TRIM49: variants seen among roughly 807,000 people sequenced by gnomAD.
TRIM49 encodes the protein tripartite motif-containing protein 49.
TRIM49 carries 5 observed loss-of-function variants against 27.4 expected under a neutral mutation model. The ratio of observed to expected loss-of-function variants is 0.18; its 90% CI spans 0.10 to 0.38. The LOEUF (loss-of-function observed/expected upper bound fraction) is 0.38, where lower values mean the gene tolerates loss of function less well. Ranked by LOEUF, TRIM49 falls within the 10% of genes least tolerant of loss-of-function variation. TRIM49 has a pLI of 1.00. For synonymous variants in TRIM49, 69 were observed against 166.0 expected (o/e 0.42, Z 4.49); for missense variants, 188 against 487.5 (o/e 0.39, Z 5.79).
the TRIM49 span, among the ~76,000 whole-genome samples, chr11:89,772,959 T>A: frequency 4.4e-5 from 6 of 135,212 alleles, 1 homozygote; most frequent in African/African-American, 1.0e-4. Context: ...TCTAAAATGA[T>A]AATAGCAGAT....
intron 2 of TRIM49, among the ~76,000 whole-genome samples, chr11:89,805,722 T>A (rs1302239337): frequency 7.6e-6 from 1 of 132,218 alleles, no homozygotes; most frequent in African/African-American, 3.8e-5. Context: ...AGTTTTTTTT[T>A]GTTTTTTTTT....
the TRIM49 span, among the ~76,000 whole-genome samples, chr11:89,770,956 A>G: frequency 3.3e-5 from 4 of 122,628 alleles, no homozygotes; most frequent in Non-Finnish European, 6.5e-5. Flanking sequence ...AGCACTTATC[A>G]CAATGCGTCA....
chr11:89,773,988 A>C, the TRIM49 span, among the ~76,000 whole-genome samples: 1 of 124,420 alleles, frequency 8.0e-6, no homozygotes, highest in Non-Finnish European at 1.6e-5. Flanking sequence ...TAATTGTTGT[A>C]TTTAAAATAT....
In TRIM49 at chr11:89,798,395, T is replaced by G; in HGVS notation, c.1094A>C (p.Lys365Thr). ...TCCATCTATCTTCTCATTCTGATTCTTCTCTTTCCGATACATATTACAGAC... is the reference window on the plus strand; with the variant it reads ...TCCATCTATCTTCTCATTCTGATTCGTCTCTTTCCGATACATATTACAGAC... ...FGVCNMYRKE[K>T]NQNEKIDGKA... Residue 365 changes from lysine to threonine, a missense_variant, in exon 8 of 8, where the codon AAG becomes ACG. Physicochemically the swap from Lys to Thr is moderately conservative, Grantham distance 78. This residue lies in a region of TRIM49 where 94 missense variants were observed against 149.6 expected (regional missense o/e 0.63). Transcript: ENST00000329758. The G allele has an allele frequency of 1.2e-6, 2 of 1,603,254 alleles. No individual in the cohort carries two copies. Among genetic ancestry groups the G allele is most frequent in the Non-Finnish European group, 1.7e-6 (2 of 1,177,826 alleles).
chr11:89,800,476 G>A (rs1357819054), intron 6 of TRIM49, among the ~76,000 whole-genome samples: 7 of 151,630 alleles, frequency 4.6e-5, no homozygotes, highest in African/African-American at 1.7e-4. Flanking sequence ...GGGCGCGGTG[G>A]TTCACGCCTG....
At chr11:89,792,825 A>C (rs1227294013), downstream of TRIM49, among the ~76,000 whole-genome samples, 2 of 152,244 alleles carry the variant, frequency 1.3e-5, no homozygotes, top group Non-Finnish European at 2.9e-5. Context: ...TAACATCACA[A>C]CTAAAAGAAC....
chr11:89,777,189 C>G, the TRIM49 span: 2 of 1,548,878 alleles, frequency 1.3e-6, no homozygotes, highest in Non-Finnish European at 1.7e-6. Flanking sequence ...ATGTGGTACT[C>G]AAAAAGCTGT....
the TRIM49 span, chr11:89,777,072 G>A: frequency 9.7e-6 from 15 of 1,549,982 alleles, no homozygotes; most frequent in African/African-American, 2.8e-5. Context: ...TTGACTGTGG[G>A]CACAGCTTTT....
the TRIM49 span, chr11:89,777,814 C>G: frequency 4.1e-6 from 2 of 492,970 alleles, no homozygotes; most frequent in Non-Finnish European, 7.1e-6. Context: ...GACCGCTTCA[C>G]TCTAACTTAA....
the TRIM49 span, among the ~76,000 whole-genome samples, chr11:89,769,208 C>A: frequency 0.72 from 89,915 of 125,066 alleles, 35,319 homozygotes; most frequent in African/African-American, 0.87. Flanking sequence ...TCAAAGAAAC[C>A]AACAAGTTGT....
At chr11:89,782,045 C>G in the TRIM49 span, 2 of 1,530,506 alleles carry the variant, frequency 1.3e-6, no homozygotes, top group South Asian at 2.4e-5. Flanking sequence ...CTCCGGCAAG[C>G]ATTACTGGGA....
chr11:89,792,964 T>G (rs1949665072), downstream of TRIM49, among the ~76,000 whole-genome samples: 5 of 152,118 alleles, frequency 3.3e-5, no homozygotes, highest in South Asian at 1.0e-3. Context: ...GAGCTGGTTT[T>G]TTGAAAAGAT....
chr11:89,769,579 C>A, the TRIM49 span, among the ~76,000 whole-genome samples: 1 of 130,696 alleles, frequency 7.7e-6, no homozygotes, highest in African/African-American at 3.7e-5. Context: ...ACTCTCAGGC[C>A]CAGCAACAGT....
chr11:89,790,915 T>A, the TRIM49 span, among the ~76,000 whole-genome samples: 6 of 152,066 alleles, frequency 3.9e-5, no homozygotes, highest in Non-Finnish European at 8.8e-5. Context: ...TTTTGACAAG[T>A]TGAGAGAAGA....
chr11:89,776,666 G>A, the TRIM49 span, among the ~76,000 whole-genome samples: 2,850 of 151,848 alleles, frequency 0.019, 33 homozygotes, highest in East Asian at 0.05. Context: ...TAGAGATAAA[G>A]TATTCAGGAG....
the TRIM49 span, chr11:89,777,130 C>T: frequency 9.1e-3 from 14,072 of 1,549,942 alleles, 5 homozygotes; most frequent in Non-Finnish European, 0.011. Flanking sequence ...AGCACCAATG[C>T]GCTGCCCTTC....
the TRIM49 span, among the ~76,000 whole-genome samples, chr11:89,775,726 A>T: frequency 2.2e-5 from 3 of 133,502 alleles, no homozygotes; most frequent in Admixed American, 1.4e-4. Flanking sequence ...ATTAAAAATA[A>T]TAGATATTAA....
intron 5 of TRIM49, among the ~76,000 whole-genome samples, chr11:89,801,210 G>C (rs878950901): frequency 1.3e-5 from 2 of 148,702 alleles, no homozygotes; most frequent in East Asian, 3.9e-4. Flanking sequence ...ATTCTCTAAA[G>C]AAGTGAAGGG....
chr11:89,800,033 T>C (rs1336821687), intron 6 of TRIM49, among the ~76,000 whole-genome samples: 1 of 151,160 alleles, frequency 6.6e-6, no homozygotes, highest in African/African-American at 2.5e-5. Flanking sequence ...TCTTTTTTTT[T>C]TTTTTGCTCC....
Sources: gnomAD v4.1 joint callset for allele counts (sites outside exome capture counted in the v4.1 genomes callset) on GRCh38, gnomAD v4.1.1 for gene constraint, gnomAD v4.1.1 regional missense constraint, MANE v1.5 for transcripts, NCBI Gene and HGNC (gene_info 2026-07-23, HGNC 2026-07-21) for gene names.